RTL4: variants seen among roughly 807,000 people sequenced by gnomAD.
RTL4 encodes retrotransposon Gag-like protein 4.
A neutral mutation model predicts 5.3 loss-of-function variants in RTL4; 4 were observed. The observed-to-expected ratio is 0.75, with a 90% CI of 0.37 to 1.72. The LOEUF is 1.72. Among genes scored for constraint, RTL4 ranks in the 40% most tolerant of loss-of-function variants. RTL4 has a pLI of 0.04. For synonymous variants in RTL4, 98 were observed against 87.3 expected, an observed-to-expected ratio of 1.12 and a Z score of -0.68; for missense variants, 260 against 227.1, an observed-to-expected ratio of 1.14 and a Z score of -0.93.
chrX:112,334,529 T>C, the RTL4 span, among the ~76,000 whole-genome samples: 2 of 111,502 alleles, frequency 1.8e-5, no homozygotes, highest in African/African-American at 6.5e-5. Flanking sequence ...CTTCCAGATT[T>C]TGGGTTTTTG....
At chrX:112,190,200 C>CTT in the RTL4 span, among the ~76,000 whole-genome samples, 2 of 79,742 alleles carry the variant, frequency 2.5e-5, no homozygotes, top group African/African-American at 1.0e-4. Context: ...TTCTTTCTTT[C>CTT]TTTCTTTTTT....
chrX:112,346,074 C>T, the RTL4 span, among the ~76,000 whole-genome samples: 6 of 111,797 alleles, frequency 5.4e-5, no homozygotes, highest in African/African-American at 1.6e-4. Context: ...ATAGAAAAAA[C>T]GACTGAACAA....
chrX:112,179,793 A>G, the RTL4 span, among the ~76,000 whole-genome samples: 5 of 112,257 alleles, frequency 4.5e-5, no homozygotes, highest in East Asian at 1.4e-3. Context: ...ATGATAAGGG[A>G]TATGACATTT....
the RTL4 span, among the ~76,000 whole-genome samples, chrX:112,411,967 C>G: frequency 0.035 from 3,826 of 110,550 alleles, 180 homozygotes; most frequent in African/African-American, 0.12. Context: ...AAAGACTCCA[C>G]CAAGAAACTA....
At chrX:112,176,605 C>T in the RTL4 span, among the ~76,000 whole-genome samples, 1 of 111,409 alleles carries the variant, frequency 9.0e-6, no homozygotes, top group East Asian at 2.8e-4. Flanking sequence ...TATTTTGATA[C>T]ATGTGTACAG....
At chrX:112,193,242 T>C in the RTL4 span, among the ~76,000 whole-genome samples, 2 of 111,961 alleles carry the variant, frequency 1.8e-5, no homozygotes, top group African/African-American at 3.2e-5. Context: ...ATCTGGGTAA[T>C]TGGATATTCA....
At chrX:112,336,606 C>T in the RTL4 span, among the ~76,000 whole-genome samples, 1 of 112,316 alleles carries the variant, frequency 8.9e-6, no homozygotes, top group Non-Finnish European at 1.9e-5. Flanking sequence ...CCAGTAGCCA[C>T]AGATAACTTT....
the RTL4 span, among the ~76,000 whole-genome samples, chrX:112,107,982 T>C: frequency 9.0e-6 from 1 of 111,620 alleles, no homozygotes; most frequent in Non-Finnish European, 1.9e-5. Context: ...TCTTATAAGC[T>C]TTCTTCCTTC....
the RTL4 span, among the ~76,000 whole-genome samples, chrX:112,319,024 C>G: frequency 9.0e-6 from 1 of 111,668 alleles, no homozygotes; most frequent in East Asian, 2.8e-4. Flanking sequence ...CATGGGAGCT[C>G]AGTAAAGAAA....
the RTL4 span, among the ~76,000 whole-genome samples, chrX:112,148,318 G>C: frequency 1.2e-3 from 115 of 95,995 alleles, no homozygotes; most frequent in East Asian, 0.034. Flanking sequence ...ACTGCCATGT[G>C]ACTGAGTGCA....
the RTL4 span, among the ~76,000 whole-genome samples, chrX:112,182,819 C>T: frequency 9.0e-6 from 1 of 111,453 alleles, no homozygotes; most frequent in Non-Finnish European, 1.9e-5. Flanking sequence ...AGAGAATACC[C>T]CAAAGATATT....
chrX:112,432,687 T>A, the RTL4 span, among the ~76,000 whole-genome samples: 1 of 95,498 alleles, frequency 1.0e-5, no homozygotes, highest in Admixed American at 1.2e-4. Flanking sequence ...AGGTTGCCTG[T>A]TCACTCTGAT....
the RTL4 span, among the ~76,000 whole-genome samples, chrX:112,263,928 G>C: frequency 8.9e-6 from 1 of 111,936 alleles, no homozygotes; most frequent in Non-Finnish European, 1.9e-5. Flanking sequence ...AAAAGGAAGA[G>C]AGAGGAGTTT....
the RTL4 span, among the ~76,000 whole-genome samples, chrX:112,332,068 T>C: frequency 8.8e-4 from 96 of 108,752 alleles, no homozygotes; most frequent in Non-Finnish European, 8.2e-4. Flanking sequence ...AGATGGTGAG[T>C]TAGTGGGTGC....
At chrX:112,262,156 C>T in the RTL4 span, among the ~76,000 whole-genome samples, 10 of 111,912 alleles carry the variant, frequency 8.9e-5, no homozygotes, top group Non-Finnish European at 1.9e-4. Context: ...GTCTAAAACA[C>T]CAAAAGCAAT....
the RTL4 span, among the ~76,000 whole-genome samples, chrX:112,172,651 T>A: frequency 9.0e-6 from 1 of 111,215 alleles, no homozygotes; most frequent in Non-Finnish European, 1.9e-5. Context: ...GCAATTCCAT[T>A]CCTGGGTATA....
the RTL4 span, among the ~76,000 whole-genome samples, chrX:112,135,570 G>T: frequency 9.1e-6 from 1 of 110,293 alleles, no homozygotes; most frequent in Non-Finnish European, 1.9e-5. Flanking sequence ...TGGGTTTTAT[G>T]GTTTATAATG....
the RTL4 span, among the ~76,000 whole-genome samples, chrX:112,318,926 A>G: frequency 3.6e-5 from 4 of 111,849 alleles, no homozygotes; most frequent in African/African-American, 1.3e-4. Flanking sequence ...AGAGAAAAAG[A>G]TGAGGGGAGA....
At chrX:112,312,522 G>C in the RTL4 span, among the ~76,000 whole-genome samples, 2 of 111,405 alleles carry the variant, frequency 1.8e-5, no homozygotes, top group African/African-American at 3.3e-5. Flanking sequence ...GACACAGTAG[G>C]TTTAGAAAAC....
Sources: allele counts gnomAD v4.1 joint callset (sites outside exome capture counted in the v4.1 genomes callset), GRCh38; gene constraint gnomAD v4.1.1; transcripts MANE v1.5; gene names NCBI Gene and HGNC (gene_info 2026-07-23, HGNC 2026-07-21).